BIRC2: variants seen among roughly 807,000 people sequenced by gnomAD.
BIRC2 encodes baculoviral IAP repeat-containing protein 2.
In BIRC2, 18 loss-of-function variants were observed where a neutral mutation model predicts 60.9. That is an observed-to-expected ratio of 0.30 (90% CI 0.20 to 0.44). The LOEUF is 0.44. BIRC2 is among the 20% of genes least tolerant of loss of function. The pLI, the probability that BIRC2 is intolerant of heterozygous loss-of-function variation, is 1.00. For missense variants in BIRC2, 701 were observed against 728.5 expected (o/e 0.96, Z 0.43); for synonymous variants, 282 against 247.7 (o/e 1.14, Z -1.30).
Position 102,350,233 on chromosome 11 carries a change from A to T in BIRC2, c.379A>T (p.Asn127Tyr). 1 of 1,614,232 alleles carries T rather than the reference A, an allele frequency of 6.2e-7. No individual in the cohort carries two copies. The highest frequency in any genetic ancestry group is 1.1e-5 in the South Asian group (1 of 91,084). The change falls in exon 2 of 9, where the codon AAT becomes TAT. Residue 127 changes from asparagine (N) to tyrosine (Y), a missense_variant. Transcript: ENST00000227758. ...AGCTAGTCTGGGATCCACCTCTAAG[A>T]ATACGTCTCCAATGAGAAACAGTTT... ...VSASLGSTSK[N>Y]TSPMRNSFAH...
intron 6 of BIRC2, among the ~76,000 whole-genome samples, chr11:102,368,989 A>G (rs899709876): frequency 2.0e-5 from 3 of 151,976 alleles, no homozygotes; most frequent in Non-Finnish European, 4.4e-5. Context: ...ATCCTCATAC[A>G]CAAAATAGAA....
intron 6 of BIRC2, among the ~76,000 whole-genome samples, chr11:102,373,132 C>G (rs1364069671): frequency 2.7e-5 from 4 of 150,786 alleles, no homozygotes; most frequent in Non-Finnish European, 4.4e-5. Flanking sequence ...ATTTGCCAGT[C>G]TGTGTCTTTT....
chr11:102,363,035 T>C (rs1951503827), intron 4 of BIRC2, 61 bp downstream of exon 4: 1 of 1,270,594 alleles, frequency 7.9e-7, no homozygotes, highest in South Asian at 1.3e-5. Context: ...AAAATATTAT[T>C]AGGTTGGTAT....
chr11:102,357,836 G>A (rs1011156013), intron 3 of BIRC2, among the ~76,000 whole-genome samples: 1 of 151,648 alleles, frequency 6.6e-6, no homozygotes, highest in Non-Finnish European at 1.5e-5. Context: ...GTAAAATTAC[G>A]GTGTTTATTT....
intron 8 of BIRC2, 38 bp downstream of exon 8, chr11:102,377,936 C>CTTTT: frequency 6.5e-7 from 1 of 1,531,662 alleles, no homozygotes; most frequent in Admixed American, 1.8e-5. Context: ...AACTATTACC[C>CTTTT]TTTTTTTTTA....
chr11:102,373,045 T>C (rs1202316533), intron 6 of BIRC2, among the ~76,000 whole-genome samples: 1 of 151,144 alleles, frequency 6.6e-6, no homozygotes, highest in African/African-American at 2.4e-5. Context: ...TCCTTTTATT[T>C]TGAGCCTATG....
chr11:102,364,167 A>ATATATATG (rs1555048382), intron 5 of BIRC2, among the ~76,000 whole-genome samples: 50 of 94,176 alleles, frequency 5.3e-4, no homozygotes, highest in African/African-American at 2.6e-3. Context: ...ATATATATAT[A>ATATATATG]TATATATACA....
chr11:102,364,764 T>A (rs1306605579), intron 5 of BIRC2, among the ~76,000 whole-genome samples: 2 of 152,110 alleles, frequency 1.3e-5, no homozygotes, highest in Non-Finnish European at 2.9e-5. Context: ...AAGGATTTGG[T>A]AGTATTTGAC....
intron 6 of BIRC2, among the ~76,000 whole-genome samples, chr11:102,372,996 C>G (rs1451432574): frequency 1.3e-5 from 2 of 151,754 alleles, no homozygotes; most frequent in Admixed American, 6.6e-5. Flanking sequence ...CAACCCCTGC[C>G]TCTTTTTGTT....
At chr11:102,372,054 CTCTTT>C (rs1338832914) in intron 6 of BIRC2, among the ~76,000 whole-genome samples, 3 of 152,104 alleles carry the variant, frequency 2.0e-5, no homozygotes, top group African/African-American at 7.2e-5. Context: ...TGATTCTTCT[CTCTTT>C]TCTTCTTTAT....
chr11:102,350,493 A>G lies in BIRC2; in HGVS notation c.639A>G (p.Gly213=). 1.2e-6 allele frequency: 2 copies of G among 1,614,142 alleles called. No homozygotes were observed. The highest frequency in any genetic ancestry group is 1.7e-6 in the Non-Finnish European group (2 of 1,180,016). The stretch of plus-strand genomic sequence containing the variant: ...CAAGAGCTGGTTTTTATTATATAGG[A>G]CCTGGAGATAGGGTAGCCTGCTTTG... ...ELARAGFYYI[G]PGDRVACFAC... is the part of the protein sequence containing the mutation. The change falls in exon 2 of 9, where the codon GGA becomes GGG. Residue 213 remains glycine, a synonymous_variant. Transcript: ENST00000227758.
intron 6 of BIRC2, among the ~76,000 whole-genome samples, chr11:102,368,826 C>T (rs1286682473): frequency 6.6e-6 from 1 of 151,842 alleles, no homozygotes; most frequent in Non-Finnish European, 1.5e-5. Flanking sequence ...GAGCTGTATT[C>T]CATTTCTTTC....
chr11:102,361,852 T>TC (rs1477091920), intron 3 of BIRC2, among the ~76,000 whole-genome samples: 126 of 150,998 alleles, frequency 8.3e-4, no homozygotes, highest in Middle Eastern at 6.9e-3. Context: ...TTTTTTTTTT[T>TC]TTCCCTTTAT....
At chr11:102,376,490 T>C (rs1217181412) in intron 6 of BIRC2, among the ~76,000 whole-genome samples, 1 of 152,256 alleles carries the variant, frequency 6.6e-6, no homozygotes, top group Non-Finnish European at 1.5e-5. Context: ...CTTCTGTTTT[T>C]ATAATTTATT....
intron 5 of BIRC2, 151 bp from the exon 6 acceptor site, chr11:102,368,155 C>CT: frequency 1.1e-6 from 1 of 912,722 alleles, no homozygotes; most frequent in Non-Finnish European, 1.6e-6. Context: ...GAAGTTCAAA[C>CT]TTTTATTGGA....
At position 102,368,660 on chromosome 11, in the gene BIRC2, C is replaced by A. The variant is rs186235805; in HGVS notation, c.1366+112C>A. 26 of 1,403,492 alleles carry A rather than the reference C, an allele frequency of 1.9e-5. No homozygotes were observed. In the African/African-American group the frequency reaches 3.5e-4, roughly 19 times the overall value. 86.9% of individuals were successfully genotyped at this position (1,403,492 alleles called of 1,614,324 possible). On this transcript the variant is annotated intron_variant, in intron 6 of 8. Transcript: ENST00000227758. ...ACATCCACTAACTGCTGGTAGCAGTCCTCCAGTCATTTCGAAACCATCCCT... is the reference window on the plus strand; with the variant it reads ...ACATCCACTAACTGCTGGTAGCAGTACTCCAGTCATTTCGAAACCATCCCT...
rs886130960 is a variant in BIRC2, at chr11:102,349,353, G to C, written c.-502G>C. On this transcript the variant is annotated 5_prime_UTR_variant, in exon 2 of 9. Coordinates refer to ENST00000227758, the MANE Select transcript of BIRC2 (RefSeq NM_001166.5). Reference sequence around the variant, plus strand: ...TATTGGAATAAAATGAGATTTTTTGGGTTGTCATGTTAAAGTGCTTATAGG... The same window carrying C: ...TATTGGAATAAAATGAGATTTTTTGCGTTGTCATGTTAAAGTGCTTATAGG... 1.3e-5 allele frequency: 2 copies of C among 152,350 alleles called. No individual in the cohort carries two copies. The highest frequency in any genetic ancestry group is 6.5e-5 in the Admixed American group (1 of 15,290). 9.4% of individuals were successfully genotyped at this position (152,350 alleles called of 1,614,324 possible). A position where few individuals can be genotyped will look rare whatever the true frequency, so the allele number is the denominator to read the frequency against.
intron 3 of BIRC2, among the ~76,000 whole-genome samples, chr11:102,359,704 G>A (rs1951464237): frequency 6.6e-6 from 1 of 152,182 alleles, no homozygotes. Context: ...AAATCCACTT[G>A]TGGTCTTATA....
intron 3 of BIRC2, among the ~76,000 whole-genome samples, chr11:102,359,213 G>T (rs1040239603): frequency 6.6e-6 from 1 of 152,004 alleles, no homozygotes; most frequent in Non-Finnish European, 1.5e-5. Context: ...AATTTCAATT[G>T]CATTAAAAAA....
Sources: allele counts gnomAD v4.1 joint callset (sites outside exome capture counted in the v4.1 genomes callset), GRCh38; gene constraint gnomAD v4.1.1; transcripts MANE v1.5; gene names NCBI Gene and HGNC (gene_info 2026-07-23, HGNC 2026-07-21).